Variants in TANGO2 observed in about 807,000 individuals in gnomAD.
The protein encoded by TANGO2 is transport and golgi organization 2 homolog.
A neutral mutation model predicts 39.1 loss-of-function variants in TANGO2; 26 were observed. The observed-to-expected ratio is 0.67, with a 90% confidence interval of 0.49 to 0.92. TANGO2 has a LOEUF of 0.92. TANGO2 is among the 40% of genes least tolerant of loss of function. The pLI, the probability that TANGO2 is intolerant of heterozygous loss-of-function variation, is 0.00. For synonymous variants in TANGO2, 131 were observed against 144.5 expected (o/e 0.91, Z 0.67); for missense variants, 326 against 360.1 (o/e 0.91, Z 0.77).
intron 1 of TANGO2, among the ~76,000 whole-genome samples, chr22:20,031,994 T>A (rs947393887): frequency 6.6e-6 from 1 of 152,214 alleles, no homozygotes; most frequent in African/African-American, 2.4e-5. Context: ...TGCCCCACCA[T>A]GAGCCCCTCC....
At chr22:20,043,019 C>T (rs2044269530) in intron 2 of TANGO2, among the ~76,000 whole-genome samples, 1 of 152,046 alleles carries the variant, frequency 6.6e-6, no homozygotes, top group African/African-American at 2.4e-5. Context: ...GAGGAACAGC[C>T]CCCCACCCTC....
At chr22:20,033,326 C>G (rs1166628059) in intron 1 of TANGO2, 3 of 418,534 alleles carry the variant, frequency 7.2e-6, no homozygotes, top group Non-Finnish European at 1.4e-5. Context: ...CCATGGAGCC[C>G]TCCCTGCCAC....
intron 3 of TANGO2, among the ~76,000 whole-genome samples, chr22:20,044,822 T>C (rs1241574979): frequency 6.6e-6 from 1 of 152,196 alleles, no homozygotes; most frequent in Non-Finnish European, 1.5e-5. Context: ...CTCAGAGGGT[T>C]ACCCTCTTCT....
At chr22:20,039,406 A>G (rs2147144783) in intron 2 of TANGO2, among the ~76,000 whole-genome samples, 1 of 151,078 alleles carries the variant, frequency 6.6e-6, no homozygotes, top group East Asian at 2.0e-4. Context: ...AGGTGGGTGG[A>G]TCACTTGAGG....
chr22:20,030,409 C>T (rs771457561), intron 1 of TANGO2, among the ~76,000 whole-genome samples: 2 of 152,068 alleles, frequency 1.3e-5, no homozygotes, highest in Admixed American at 6.6e-5. Context: ...GACAGTGGTA[C>T]GATCTTGGCT....
chr22:20,027,241 GC>G (rs979076919), intron 1 of TANGO2, among the ~76,000 whole-genome samples: 11 of 152,248 alleles, frequency 7.2e-5, no homozygotes, highest in African/African-American at 2.4e-4. Flanking sequence ...TGAGAATTCT[GC>G]CCCCATGATC....
In TANGO2 at chr22:20,053,264, G is replaced by A. The variant is rs1220857736; in HGVS notation, c.266-173G>A. ...TGAGCAGTTTTCAGTGCCGACCTGA[G>A]TGGCAGCCAGGCTAATGAGGTGTGG... On this transcript the variant is annotated intron_variant, in intron 4 of 8. Transcript: ENST00000327374. The A allele has an allele frequency of 1.7e-5, 10 of 583,256 alleles. No individual in the cohort carries two copies. In the Admixed American group the frequency reaches 3.1e-4, roughly 18 times the overall value. The allele number at this position is 583,256 out of a possible 1,614,324, so 36.1% of individuals were successfully genotyped here.
chr22:20,040,799 G>A (rs966781327), intron 2 of TANGO2, among the ~76,000 whole-genome samples: 6 of 152,220 alleles, frequency 3.9e-5, no homozygotes, highest in African/African-American at 1.4e-4. Context: ...AAGGGACATG[G>A]AGACTTGGGC....
rs1412770721 is a variant in TANGO2, at chr22:20,031,822, G to C, written c.-39-4938G>C. The stretch of plus-strand genomic sequence containing the variant: ...CCACAGCGTGGCTGGGCAGAGCAGA[G>C]CTACAAATGAACAGATCCAGTGCCG... On this transcript the variant is annotated intron_variant, in intron 1 of 8. Coordinates refer to ENST00000327374, the MANE Select transcript of TANGO2 (RefSeq NM_152906.7). 5.3e-5 allele frequency among the ~76,000 whole-genome samples: 8 copies of C among 152,228 alleles called. No homozygotes were observed. The East Asian group carries it at 5.8e-4, about 11-fold the overall frequency.
At chr22:20,061,819 T>G in intron 7 of TANGO2, 136 bp downstream of exon 7, 1 of 1,100,604 alleles carries the variant, frequency 9.1e-7, no homozygotes, top group Non-Finnish European at 1.3e-6. Flanking sequence ...CTGATGGATA[T>G]CCTGTCCTCC....
At chr22:20,050,438 A>G (rs1479471925) in intron 3 of TANGO2, among the ~76,000 whole-genome samples, 1 of 130,044 alleles carries the variant, frequency 7.7e-6, no homozygotes, top group African/African-American at 3.0e-5. Flanking sequence ...ATCTCTGCTC[A>G]TTGCAACCTC....
At chr22:20,019,514 A>G (rs2039417101), upstream of TANGO2, among the ~76,000 whole-genome samples, 1 of 152,204 alleles carries the variant, frequency 6.6e-6, no homozygotes, top group Non-Finnish European at 1.5e-5. Context: ...TGGGAAAAGT[A>G]TGGCTGGGGG....
intron 2 of TANGO2, among the ~76,000 whole-genome samples, chr22:20,039,352 G>A (rs1328592488): frequency 2.0e-5 from 3 of 151,634 alleles, no homozygotes; most frequent in Admixed American, 2.0e-4. Flanking sequence ...TTTACAGCCG[G>A]GTGCGGTGGC....
rs1248309272 is a variant in TANGO2 at position 20,053,799 on chromosome 22, T to C, written c.380+248T>C. The C allele has an allele frequency of 7.4e-6, 4 of 542,106 alleles. No individual in the cohort carries two copies. The African/African-American group carries it at 7.6e-5, about 10-fold the overall frequency. 33.6% of individuals were successfully genotyped at this position (542,106 alleles called of 1,614,324 possible). On this transcript the variant is annotated intron_variant, in intron 5 of 8. Coordinates refer to ENST00000327374, the MANE Select transcript of TANGO2 (RefSeq NM_152906.7). ...CCGGATCCCTGGAGAAAGCTGAGGCTGTGAAGAACAGTCACATAGAGTGGC... is the reference window on the plus strand; with the variant it reads ...CCGGATCCCTGGAGAAAGCTGAGGCCGTGAAGAACAGTCACATAGAGTGGC...
At chr22:20,034,212 A>AC (rs533439633) in intron 1 of TANGO2, among the ~76,000 whole-genome samples, 1,502 of 131,480 alleles carry the variant, frequency 0.011, 13 homozygotes, top group Non-Finnish European at 0.018. Flanking sequence ...ACAACAAAAA[A>AC]AAACCGAGTT....
At chr22:20,025,223 G>T (rs1361869093) in intron 1 of TANGO2, among the ~76,000 whole-genome samples, 1 of 150,766 alleles carries the variant, frequency 6.6e-6, no homozygotes, top group African/African-American at 2.4e-5. Flanking sequence ...CTCCTGAGTA[G>T]CTGGGATTAC....
rs942044133 is a variant in TANGO2, at chr22:20,057,835, C to G, written c.451+1822C>G. 6.6e-6 allele frequency among the ~76,000 whole-genome samples: 1 copy of G among 152,158 alleles called. No individual in the cohort carries two copies. The highest frequency in any genetic ancestry group is 1.5e-5 in the Non-Finnish European group (1 of 68,028). On this transcript the variant is annotated intron_variant, in intron 6 of 8. Transcript: ENST00000327374. This position sits in a 1 kb window ranked among gnomAD's most constrained non-coding sequence, Gnocchi z 4.1. ...AGCAGTCAGAGACTCCCTACCACCC[C>G]CTCACTGTGAACATTGGCCCAGCGG...
At chr22:20,059,562 T>C (rs770617090) in intron 6 of TANGO2, among the ~76,000 whole-genome samples, 1 of 152,230 alleles carries the variant, frequency 6.6e-6, no homozygotes, top group African/African-American at 2.4e-5. Context: ...TCTGTGTTTT[T>C]GATGATAGCC....
intron 6 of TANGO2, among the ~76,000 whole-genome samples, chr22:20,058,637 A>T (rs1569330582): frequency 7.1e-6 from 1 of 140,892 alleles, no homozygotes; most frequent in African/African-American, 2.6e-5. Flanking sequence ...GTGAGATTGC[A>T]TCTCAAAAAA....
Sources: gnomAD v4.1 joint callset for allele counts (sites outside exome capture counted in the v4.1 genomes callset) on GRCh38, gnomAD v4.1.1 for gene constraint, Gnocchi (gnomAD v3.1) non-coding constraint, MANE v1.5 for transcripts, NCBI Gene and HGNC (gene_info 2026-07-23, HGNC 2026-07-21) for gene names.